Variants in ARHGEF4 observed in about 807,000 individuals in gnomAD.
The protein encoded by ARHGEF4 is APC-stimulated guanine nucleotide exchange factor 1.
Under a neutral mutation model 162.0 loss-of-function variants are expected in ARHGEF4, and 119 were observed. The observed-to-expected ratio is 0.73, with a 90% confidence interval of 0.63 to 0.86. ARHGEF4 has a LOEUF of 0.86. ARHGEF4 is among the 40% of genes least tolerant of loss of function. The pLI, the probability that ARHGEF4 is intolerant of heterozygous loss-of-function variation, is 0.00. For missense variants in ARHGEF4, 2,488 were observed against 2,456.0 expected, an observed-to-expected ratio of 1.01 and a Z score of -0.28; for synonymous variants, 1,014 against 979.9, an observed-to-expected ratio of 1.03 and a Z score of -0.65.
intron 5 of ARHGEF4, among the ~76,000 whole-genome samples, chr2:131,032,979 C>T (rs1318538744): frequency 2.7e-5 from 4 of 150,686 alleles, no homozygotes; most frequent in Admixed American, 6.6e-5. Context: ...CAGTCTTTCT[C>T]GTAGCTGGGA....
In ARHGEF4 at chr2:130,915,873, G is replaced by T. The variant is rs1212810935; in HGVS notation, c.1927G>T (p.Ala643Ser). The change falls in exon 2 of 14, where the codon GCC (alanine) becomes TCC (serine). Residue 643 changes from alanine to serine, a missense_variant. This residue lies in a region of ARHGEF4 where 1,642 missense variants were observed against 1,481.5 expected (regional missense o/e 1.11). Coordinates refer to ENST00000409359, the MANE Select transcript of ARHGEF4 (RefSeq NM_001367493.1). ...AGCTGTGGAGCAGAAAGGTCTTCAGGCCAGCAGGAGCAATGCGGGGCCTGT... is the reference window on the plus strand; with the variant it reads ...AGCTGTGGAGCAGAAAGGTCTTCAGTCCAGCAGGAGCAATGCGGGGCCTGT... The part of the protein sequence containing the change: ...IVAVEQKGLQ[A>S]SRSNAGPVPE... 5 of 1,548,482 alleles carry T rather than the reference G, an allele frequency of 3.2e-6. No homozygotes were observed. The highest frequency in any genetic ancestry group is 4.4e-6 in the Non-Finnish European group (5 of 1,146,146).
intron 1 of ARHGEF4, among the ~76,000 whole-genome samples, chr2:130,884,285 GACACACATAGGCACGTGCACACAC>G (rs1369025329): frequency 2.0e-5 from 3 of 151,398 alleles, no homozygotes; most frequent in Non-Finnish European, 4.4e-5. Context: ...CATGCACACA[GACACACATAGGCACGTGCACACAC>G]ACACACACAC....
intron 1 of ARHGEF4, among the ~76,000 whole-genome samples, chr2:130,840,969 T>C (rs1266404512): frequency 6.6e-6 from 1 of 152,320 alleles, no homozygotes; most frequent in East Asian, 1.9e-4. Context: ...GGCAATGTAG[T>C]TTATTCAGCA....
rs1689312279 is a variant in ARHGEF4 at position 131,024,044 on chromosome 2, G to T, written c.3986-3901G>T. Among the ~76,000 whole-genome samples the T allele has an allele frequency of 2.0e-5, 3 of 152,200 alleles. No homozygotes were observed. In the South Asian group the frequency reaches 6.2e-4, roughly 31 times the overall value. ...AACCTCAAAAGCCTACATACAGGTT[G>T]CTCTGGTGGCTGTGCAGATCTGCAC... On this transcript the variant is annotated intron_variant, in intron 4 of 13. Transcript: ENST00000409359.
At chr2:130,967,812 G>C (rs1315375649) in intron 4 of ARHGEF4, among the ~76,000 whole-genome samples, 1 of 152,216 alleles carries the variant, frequency 6.6e-6, no homozygotes, top group Non-Finnish European at 1.5e-5. Context: ...CCAGTGTTAG[G>C]GTACAGACTG....
chr2:130,898,976 C>T (rs1003690478), intron 1 of ARHGEF4, among the ~76,000 whole-genome samples: 1 of 152,154 alleles, frequency 6.6e-6, no homozygotes, highest in South Asian at 2.1e-4. Flanking sequence ...GCTTCTTGCC[C>T]GAGCGTGGAA....
intron 4 of ARHGEF4, among the ~76,000 whole-genome samples, chr2:130,996,783 C>G (rs1435629928): frequency 6.6e-6 from 1 of 152,130 alleles, no homozygotes; most frequent in East Asian, 1.9e-4. Flanking sequence ...CGTCCTGCAT[C>G]CCCCATACCA....
chr2:130,906,846 T>C (rs1416803544), intron 1 of ARHGEF4, among the ~76,000 whole-genome samples: 1 of 152,214 alleles, frequency 6.6e-6, no homozygotes, highest in Non-Finnish European at 1.5e-5. Flanking sequence ...CAGTCTATAG[T>C]CCATCTTGGG....
At chr2:130,873,171 G>C (rs1364872354) in intron 1 of ARHGEF4, among the ~76,000 whole-genome samples, 1 of 152,222 alleles carries the variant, frequency 6.6e-6, no homozygotes, top group Non-Finnish European at 1.5e-5. Flanking sequence ...CACTTGATCT[G>C]TCTGTGCTGT....
intron 4 of ARHGEF4, among the ~76,000 whole-genome samples, chr2:131,014,684 C>A (rs983169163): frequency 1.6e-4 from 24 of 152,302 alleles, no homozygotes; most frequent in African/African-American, 5.5e-4. Context: ...CTCTTTCTCT[C>A]TGTGCCACAC....
chr2:131,032,536 C>A (rs1689920907), intron 5 of ARHGEF4, among the ~76,000 whole-genome samples: 2 of 152,004 alleles, frequency 1.3e-5, no homozygotes. Context: ...GGCTTAGGTG[C>A]TCCATGAGGC....
chr2:130,974,668 C>T (rs1685585892), intron 4 of ARHGEF4, among the ~76,000 whole-genome samples: 1 of 149,622 alleles, frequency 6.7e-6, no homozygotes, highest in Non-Finnish European at 1.5e-5. Flanking sequence ...CGCTATGTTG[C>T]TCAGGCTGGT....
chr2:130,992,026 G>GC (rs1392596480), intron 4 of ARHGEF4, among the ~76,000 whole-genome samples: 1 of 152,228 alleles, frequency 6.6e-6, no homozygotes, highest in Non-Finnish European at 1.5e-5. Flanking sequence ...CCTGTGTCTA[G>GC]CTCAGGGTTT....
At chr2:130,927,817 T>C (rs185100341) in intron 2 of ARHGEF4, among the ~76,000 whole-genome samples, 9 of 152,358 alleles carry the variant, frequency 5.9e-5, no homozygotes, top group Admixed American at 5.2e-4. Flanking sequence ...GTATCTTTGT[T>C]TTATACATAA....
At chr2:130,969,255 G>A (rs1685202602) in intron 4 of ARHGEF4, among the ~76,000 whole-genome samples, 1 of 152,146 alleles carries the variant, frequency 6.6e-6, no homozygotes, top group Non-Finnish European at 1.5e-5. Context: ...GGTACTTGAA[G>A]TACAGTTTTT....
chr2:130,845,173 G>A (rs1325447911), intron 1 of ARHGEF4, among the ~76,000 whole-genome samples: 2 of 151,494 alleles, frequency 1.3e-5, no homozygotes, highest in African/African-American at 2.4e-5. Context: ...CTGAAACTTG[G>A]CCAAGTGTGA....
chr2:130,915,426 G>T lies in ARHGEF4; in HGVS notation c.1480G>T (p.Gly494Cys). 1 of 1,550,540 alleles carries T rather than the reference G, an allele frequency of 6.4e-7. No homozygotes were observed. Among genetic ancestry groups the T allele is most frequent in the Non-Finnish European group, 8.7e-7 (1 of 1,147,004 alleles). The change falls in exon 2 of 14, where the codon GGC (glycine) becomes TGC (cysteine). Residue 494 changes from glycine (G) to cysteine (C), a missense_variant. Physicochemically the swap from Gly to Cys is radical, Grantham distance 159. Coordinates refer to ENST00000409359, the MANE Select transcript of ARHGEF4 (RefSeq NM_001367493.1). ...GAGAGAGACACAGAAGCACCTCTGG[G>T]GCATTTCTGTCCAGGCAGGAAACCA... Reference protein sequence around the residue: ...DERETQKHLWGISVQAGNQTS... With the variant: ...DERETQKHLWCISVQAGNQTS...
intron 4 of ARHGEF4, among the ~76,000 whole-genome samples, chr2:130,955,252 T>G (rs1454162527): frequency 6.6e-6 from 1 of 152,194 alleles, no homozygotes; most frequent in East Asian, 1.9e-4. Flanking sequence ...ACCTTGGACT[T>G]GATAAATCTG....
At chr2:131,033,400 C>T (rs1690003143) in intron 5 of ARHGEF4, among the ~76,000 whole-genome samples, 1 of 152,216 alleles carries the variant, frequency 6.6e-6, no homozygotes, top group African/African-American at 2.4e-5. Context: ...AGAACCAACC[C>T]CTGCCTGCCC....
Sources: gnomAD v4.1 joint callset for allele counts (sites outside exome capture counted in the v4.1 genomes callset) on GRCh38, gnomAD v4.1.1 for gene constraint, gnomAD v4.1.1 regional missense constraint, MANE v1.5 for transcripts, NCBI Gene and HGNC (gene_info 2026-07-23, HGNC 2026-07-21) for gene names.